PTPRG: variants seen among roughly 807,000 people sequenced by gnomAD.
The protein encoded by PTPRG is receptor-type tyrosine-protein phosphatase gamma.
In PTPRG, 102 loss-of-function variants were observed where a neutral mutation model predicts 165.3. The observed-to-expected ratio is 0.62, with a 90% CI of 0.53 to 0.73. The LOEUF is 0.73. PTPRG is among the 30% of genes least tolerant of loss of function. The probability of loss-of-function intolerance (pLI) is 0.00; values close to 1 mark genes in which losing one functional copy is unlikely to be tolerated. For synonymous variants in PTPRG, 675 were observed against 669.5 expected, an observed-to-expected ratio of 1.01 and a Z score of -0.13; for missense variants, 1,866 against 1,861.4, an observed-to-expected ratio of 1.00 and a Z score of -0.05.
chr3:62,186,888 G>T (rs1699666518), intron 8 of PTPRG, among the ~76,000 whole-genome samples: 1 of 152,164 alleles, frequency 6.6e-6, no homozygotes, highest in South Asian at 2.1e-4. Flanking sequence ...TCTTTAAGGG[G>T]GCTGGGGTGG....
intron 2 of PTPRG, among the ~76,000 whole-genome samples, chr3:61,846,030 C>T (rs13097768): frequency 0.12 from 18,339 of 152,102 alleles, 1,925 homozygotes; most frequent in African/African-American, 0.28. Flanking sequence ...TGCGCTGTCA[C>T]CTTGAGCAAA....
intron 5 of PTPRG, among the ~76,000 whole-genome samples, chr3:62,123,639 A>T (rs1159270654): frequency 6.6e-6 from 1 of 152,198 alleles, no homozygotes; most frequent in Non-Finnish European, 1.5e-5. Flanking sequence ...TAAAAAGTTT[A>T]TCATGAATAA....
In PTPRG at chr3:61,587,922, G is replaced by T. The variant is rs534762593; in HGVS notation, c.85+25550G>T. Among the ~76,000 whole-genome samples the T allele has an allele frequency of 9.3e-5, 14 of 150,520 alleles. No individual in the cohort carries two copies. The South Asian group carries it at 2.9e-3, about 32-fold the overall frequency. ...GATCCTTCCATCTTGGCCTCACAAA[G>T]TGTTGGAATTCCAGGCATGAGCCAC... On this transcript the variant is annotated intron_variant, in intron 1 of 29. Transcript: ENST00000474889.
At chr3:62,172,792 G>A (rs1404046501) in intron 8 of PTPRG, among the ~76,000 whole-genome samples, 2 of 152,168 alleles carry the variant, frequency 1.3e-5, no homozygotes, top group Non-Finnish European at 1.5e-5. Context: ...AATTCAAAAC[G>A]AGCAAAGCCT....
chr3:62,205,374 G>A lies in PTPRG; in HGVS notation c.2155+1424G>A, dbSNP rs144693884. Among the ~76,000 whole-genome samples the A allele has an allele frequency of 2.9e-3, 444 of 152,316 alleles. 2 individuals are homozygous for A. Among genetic ancestry groups the A allele is most frequent in the Middle Eastern group, 0.01 (3 of 294 alleles). On this transcript the variant is annotated intron_variant, in intron 12 of 29. Transcript: ENST00000474889. The stretch of plus-strand genomic sequence containing the variant: ...AAGAAACATGTACGGAATGCCCACT[G>A]TATAAGAGGCACCAGGCTAGGCTTT...
At chr3:62,139,676 G>C (rs73840223) in intron 6 of PTPRG, among the ~76,000 whole-genome samples, 1,589 of 152,252 alleles carry the variant, frequency 0.01, 27 homozygotes, top group African/African-American at 0.035. Context: ...TCGAAACACG[G>C]CACTGGCAGT....
intron 1 of PTPRG, among the ~76,000 whole-genome samples, chr3:61,662,804 G>C (rs181264070): frequency 2.0e-5 from 3 of 152,292 alleles, no homozygotes; most frequent in Admixed American, 1.3e-4. Flanking sequence ...ATCTGTTCCA[G>C]TAGCATTTTA....
At chr3:61,605,709 C>T (rs969493613) in intron 1 of PTPRG, among the ~76,000 whole-genome samples, 4 of 152,088 alleles carry the variant, frequency 2.6e-5, no homozygotes, top group Admixed American at 6.5e-5. Context: ...GCTGGGACTA[C>T]GGGCACACAC....
chr3:62,046,898 C>G (rs1185476803), intron 4 of PTPRG, among the ~76,000 whole-genome samples: 2 of 152,180 alleles, frequency 1.3e-5, no homozygotes, highest in Non-Finnish European at 2.9e-5. Flanking sequence ...GGGGCACTTA[C>G]AGGATGCAAG....
At chr3:61,921,598 T>C (rs112221343) in intron 2 of PTPRG, among the ~76,000 whole-genome samples, 1,630 of 152,288 alleles carry the variant, frequency 0.011, 28 homozygotes, top group African/African-American at 0.037. Context: ...ATTAAAAATA[T>C]TGTTTAAAAT....
intron 14 of PTPRG, among the ~76,000 whole-genome samples, chr3:62,235,059 G>A (rs1334334356): frequency 6.6e-6 from 1 of 152,028 alleles, no homozygotes; most frequent in Non-Finnish European, 1.5e-5. Context: ...CAGTCAATCA[G>A]TATATTAACA....
intron 1 of PTPRG, among the ~76,000 whole-genome samples, chr3:61,564,424 A>C (rs1450761063): frequency 6.6e-6 from 1 of 152,164 alleles, no homozygotes; most frequent in South Asian, 2.1e-4. Flanking sequence ...CTTGAGATCC[A>C]AAATGGGACT....
intron 1 of PTPRG, among the ~76,000 whole-genome samples, chr3:61,658,195 A>T (rs747769536): frequency 6.6e-6 from 1 of 152,174 alleles, no homozygotes; most frequent in Admixed American, 6.5e-5. Context: ...AGGGGCTGCG[A>T]AAGTTGCCAG....
chr3:62,131,021 A>C (rs1703494726), intron 5 of PTPRG, among the ~76,000 whole-genome samples: 1 of 152,124 alleles, frequency 6.6e-6, no homozygotes, highest in Non-Finnish European at 1.5e-5. Flanking sequence ...TCCTGTGTTT[A>C]GTAGCACCTG....
rs556742057 is a variant in PTPRG, at chr3:62,215,683, C to G, written c.2156-3168C>G. On this transcript the variant is annotated intron_variant, in intron 12 of 29. Transcript: ENST00000474889. ...GCCTTGTCTTCAGGACCTTCATTCTCTCTCTATGCTGGTGGTTCTCACTTT... is the reference window on the plus strand; with the variant it reads ...GCCTTGTCTTCAGGACCTTCATTCTGTCTCTATGCTGGTGGTTCTCACTTT... Among the ~76,000 whole-genome samples the G allele has an allele frequency of 6.4e-4, 97 of 152,174 alleles. 1 individual carries two copies. Among genetic ancestry groups the G allele is most frequent in the South Asian group, 6.2e-3 (30 of 4,812 alleles).
chr3:62,015,535 T>G (rs969875465), intron 4 of PTPRG, among the ~76,000 whole-genome samples: 1 of 152,212 alleles, frequency 6.6e-6, no homozygotes, highest in Non-Finnish European at 1.5e-5. Flanking sequence ...CAACCCAAGG[T>G]CTTGCTGTGT....
chr3:61,564,151 A>G (rs1407017586), intron 1 of PTPRG, among the ~76,000 whole-genome samples: 1 of 152,136 alleles, frequency 6.6e-6, no homozygotes, highest in East Asian at 1.9e-4. Flanking sequence ...TTCATTCACT[A>G]AAAGATCACT....
At chr3:61,980,470 G>C (rs1486387922) in intron 2 of PTPRG, among the ~76,000 whole-genome samples, 1 of 152,108 alleles carries the variant, frequency 6.6e-6, no homozygotes, top group East Asian at 1.9e-4. Flanking sequence ...TTCTCTTATA[G>C]GGAAAGAAGA....
In PTPRG at chr3:61,720,622, C is replaced by A. The variant is rs531714920; in HGVS notation, c.86-28256C>A. ...TCAAGGGCTACTACCGTCCTGACTT[C>A]TGATATCATAGATGAGGTTTGGATG... is the stretch of plus-strand genomic sequence containing the variant. On this transcript the variant is annotated intron_variant, in intron 1 of 29. Coordinates refer to ENST00000474889, the MANE Select transcript of PTPRG (RefSeq NM_002841.4). 6.6e-5 allele frequency among the ~76,000 whole-genome samples: 10 copies of A among 152,342 alleles called. 2 individuals are homozygous for A. In the South Asian group the frequency reaches 2.1e-3, roughly 32 times the overall value.
Sources: gnomAD v4.1 joint callset for allele counts (sites outside exome capture counted in the v4.1 genomes callset) on GRCh38, gnomAD v4.1.1 for gene constraint, MANE v1.5 for transcripts, NCBI Gene and HGNC (gene_info 2026-07-23, HGNC 2026-07-21) for gene names.